HPSE2: variants seen among roughly 807,000 people sequenced by gnomAD.
The protein encoded by HPSE2 is inactive heparanase-2.
HPSE2 carries 38 observed loss-of-function variants against 60.5 expected under a neutral mutation model. The observed-to-expected ratio is 0.63, with a 90% CI of 0.48 to 0.82. HPSE2 has a LOEUF of 0.82. Ranked by LOEUF, HPSE2 falls within the 40% of genes least tolerant of loss-of-function variation. The pLI is 0.00. For synonymous variants in HPSE2, 295 were observed against 293.2 expected (o/e 1.01, Z -0.06); for missense variants, 713 against 740.4 (o/e 0.96, Z 0.43).
At chr10:99,274,217 T>G in the HPSE2 span, among the ~76,000 whole-genome samples, 5 of 150,368 alleles carry the variant, frequency 3.3e-5, no homozygotes, top group African/African-American at 1.2e-4. Flanking sequence ...CGTGGTGGCC[T>G]GCGCCTGTAA....
intron 3 of HPSE2, among the ~76,000 whole-genome samples, chr10:98,942,117 CA>C (rs1206134853): frequency 7.1e-6 from 1 of 140,148 alleles, no homozygotes; most frequent in African/African-American, 2.9e-5. Context: ...GACCTAAAAC[CA>C]TAAAAACCCT....
At chr10:99,314,248 C>T in the HPSE2 span, among the ~76,000 whole-genome samples, 4 of 152,320 alleles carry the variant, frequency 2.6e-5, no homozygotes, top group East Asian at 3.9e-4. Context: ...CTGCAACCTC[C>T]GCCTCCTGAC....
chr10:99,132,464 T>C (rs1017711763), intron 3 of HPSE2, among the ~76,000 whole-genome samples: 2 of 152,062 alleles, frequency 1.3e-5, no homozygotes, highest in Admixed American at 6.6e-5. Flanking sequence ...GATGGCCGAA[T>C]AGGAGAAGCT....
rs1025004500 is a variant in HPSE2 at position 98,945,359 on chromosome 10, T to A, written c.610+198879A>T. Among the ~76,000 whole-genome samples, 18 of 152,224 alleles carry A rather than the reference T, an allele frequency of 1.2e-4. No homozygotes were observed. The East Asian group carries it at 1.3e-3, about 11-fold the overall frequency. On this transcript the variant is annotated intron_variant, in intron 3 of 11. Coordinates refer to ENST00000370552, the MANE Select transcript of HPSE2 (RefSeq NM_021828.5). ...ATATTTCCAGAATTCACTCCTTTTCTTTAAAAAATGACCTTTGGCTCACAT... is the reference window on the plus strand; with the variant it reads ...ATATTTCCAGAATTCACTCCTTTTCATTAAAAAATGACCTTTGGCTCACAT...
At chr10:99,052,663 G>C (rs1022463150) in intron 3 of HPSE2, among the ~76,000 whole-genome samples, 1 of 152,006 alleles carries the variant, frequency 6.6e-6, no homozygotes, top group Non-Finnish European at 1.5e-5. Context: ...CTTGACAGCA[G>C]CCAGAGCAAA....
At chr10:98,795,387 G>A (rs963862522) in intron 3 of HPSE2, among the ~76,000 whole-genome samples, 1 of 152,176 alleles carries the variant, frequency 6.6e-6, no homozygotes, top group Non-Finnish European at 1.5e-5. Flanking sequence ...ACAGCAGATG[G>A]GGGACTTTAC....
chr10:98,596,212 T>C (rs1201042233), intron 9 of HPSE2, among the ~76,000 whole-genome samples: 1 of 152,214 alleles, frequency 6.6e-6, no homozygotes, highest in East Asian at 1.9e-4. Flanking sequence ...CAAATAAACT[T>C]TGATCACAAA....
chr10:99,308,250 T>G, the HPSE2 span, among the ~76,000 whole-genome samples: 2 of 150,050 alleles, frequency 1.3e-5, no homozygotes, highest in Non-Finnish European at 3.0e-5. Context: ...TACCCGGGTG[T>G]GGTGGCACAC....
At chr10:98,677,410 GT>G (rs1488154438) in intron 6 of HPSE2, among the ~76,000 whole-genome samples, 3 of 152,124 alleles carry the variant, frequency 2.0e-5, no homozygotes, top group Non-Finnish European at 4.4e-5. Context: ...CTAAACATCT[GT>G]ATATTCTACA....
intron 3 of HPSE2, among the ~76,000 whole-genome samples, chr10:98,909,677 T>C (rs1953927635): frequency 6.6e-6 from 1 of 151,914 alleles, no homozygotes; most frequent in Non-Finnish European, 1.5e-5. Context: ...TTTTTTTTAA[T>C]GCATGACTTT....
intron 2 of HPSE2, among the ~76,000 whole-genome samples, chr10:99,227,396 A>T (rs1849506510): frequency 6.6e-6 from 1 of 152,134 alleles, no homozygotes; most frequent in Non-Finnish European, 1.5e-5. Context: ...AGGTAGAAAC[A>T]GATACAATTT....
intron 3 of HPSE2, among the ~76,000 whole-genome samples, chr10:99,100,225 A>G (rs574464119): frequency 1.3e-5 from 2 of 152,328 alleles, no homozygotes; most frequent in African/African-American, 4.8e-5. Context: ...ATCCATCGCA[A>G]AGAAGCTAAA....
chr10:99,069,364 G>A (rs748097504), intron 3 of HPSE2, among the ~76,000 whole-genome samples: 14 of 151,966 alleles, frequency 9.2e-5, no homozygotes, highest in African/African-American at 1.2e-4. Context: ...ATAGTAGGAC[G>A]TTTTGGCTTG....
intron 3 of HPSE2, among the ~76,000 whole-genome samples, chr10:98,939,755 C>G (rs1305716491): frequency 6.9e-6 from 1 of 144,042 alleles, no homozygotes; most frequent in East Asian, 2.0e-4. Flanking sequence ...ACAGAACTCT[C>G]CAACACAAAT....
the HPSE2 span, among the ~76,000 whole-genome samples, chr10:99,292,502 C>T: frequency 6.6e-6 from 1 of 152,066 alleles, no homozygotes; most frequent in Non-Finnish European, 1.5e-5. Context: ...GTATTATAGA[C>T]ATGAATGAGA....
chr10:98,951,333 T>C (rs961664964), intron 3 of HPSE2, among the ~76,000 whole-genome samples: 1 of 152,180 alleles, frequency 6.6e-6, no homozygotes, highest in African/African-American at 2.4e-5. Context: ...ATTTTGTTTT[T>C]ACAAGAAAAT....
At chr10:99,071,874 G>A (rs140595978) in intron 3 of HPSE2, among the ~76,000 whole-genome samples, 5 of 152,158 alleles carry the variant, frequency 3.3e-5, no homozygotes, top group Admixed American at 6.5e-5. Context: ...TAGGTTGACT[G>A]TAAATGGGTC....
At chr10:98,877,419 G>T (rs984120557) in intron 3 of HPSE2, among the ~76,000 whole-genome samples, 2 of 151,830 alleles carry the variant, frequency 1.3e-5, no homozygotes, top group Non-Finnish European at 2.9e-5. Context: ...CAAACTCTCT[G>T]TGTTCAAATC....
the HPSE2 span, among the ~76,000 whole-genome samples, chr10:99,307,132 A>G: frequency 6.6e-6 from 1 of 152,158 alleles, no homozygotes; most frequent in Non-Finnish European, 1.5e-5. Context: ...GAGAGTTTGC[A>G]GTTGGAGCTG....
Sources: allele counts gnomAD v4.1 joint callset (sites outside exome capture counted in the v4.1 genomes callset), GRCh38; gene constraint gnomAD v4.1.1; transcripts MANE v1.5; gene names NCBI Gene and HGNC (gene_info 2026-07-23, HGNC 2026-07-21).